COLEC11: variants seen among roughly 807,000 people sequenced by gnomAD.
COLEC11 encodes collectin-11.
Under a neutral mutation model 27.3 loss-of-function variants are expected in COLEC11, and 20 were observed. The ratio of observed to expected loss-of-function variants is 0.73; its 90% CI spans 0.51 to 1.06. The LOEUF (loss-of-function observed/expected upper bound fraction) is 1.06. Ranked by LOEUF, COLEC11 falls within the 50% of genes least tolerant of loss-of-function variation. The pLI is 0.00. For missense variants in COLEC11, 310 were observed against 383.0 expected, an observed-to-expected ratio of 0.81 and a Z score of 1.59; for synonymous variants, 163 against 154.7, an observed-to-expected ratio of 1.05 and a Z score of -0.40.
chr2:3,604,307 C>T lies in COLEC11; in HGVS notation c.-26-8C>T, dbSNP rs762918346. 3.1e-6 allele frequency: 5 copies of T among 1,614,108 alleles called. No individual in the cohort carries two copies. In the South Asian group the frequency reaches 3.3e-5, roughly 11 times the overall value. The stretch of plus-strand genomic sequence containing the variant: ...TTCCCATCACTGTTTATTCCTTCCT[C>T]TGTGTAGGAGTTGGTGTCCTGCCTG... On this transcript the variant is annotated splice_polypyrimidine_tract_variant and splice_region_variant and intron_variant, in intron 1 of 6. Transcript: ENST00000349077.
At position 3,642,765 on chromosome 2, in the gene COLEC11, C is replaced by G. The variant is rs114179156; in HGVS notation, c.329-679C>G. Among the ~76,000 whole-genome samples, 1,213 of 152,312 alleles carry G rather than the reference C, an allele frequency of 8.0e-3. 12 individuals are homozygous for G. Among genetic ancestry groups the G allele is most frequent in the African/African-American group, 0.028 (1,165 of 41,558 alleles). Reference sequence around the variant, plus strand: ...ATCCTCCCACCAGACCATGGCAGCACCTGTCCTGTGGGCGCGGCCTGCCTT... The same window carrying G: ...ATCCTCCCACCAGACCATGGCAGCAGCTGTCCTGTGGGCGCGGCCTGCCTT... On this transcript the variant is annotated intron_variant, in intron 5 of 6. Transcript: ENST00000349077.
chr2:3,629,940 A>G (rs1013038916), intron 3 of COLEC11, among the ~76,000 whole-genome samples: 8 of 152,248 alleles, frequency 5.3e-5, no homozygotes, highest in African/African-American at 1.9e-4. Flanking sequence ...ATGTACATAT[A>G]TACGATGTGC....
chr2:3,597,334 T>C (rs1267174088), intron 1 of COLEC11, among the ~76,000 whole-genome samples: 1 of 139,822 alleles, frequency 7.2e-6, no homozygotes, highest in Non-Finnish European at 1.5e-5. Flanking sequence ...CTGGTGTCAG[T>C]GAATGAATGG....
intron 3 of COLEC11, among the ~76,000 whole-genome samples, chr2:3,627,350 CATG>C (rs984462121): frequency 1.4e-4 from 15 of 110,574 alleles, no homozygotes; most frequent in South Asian, 7.7e-4. Flanking sequence ...TGGATCTGGG[CATG>C]ATGATGCTGG....
chr2:3,613,170 G>C, intron 2 of COLEC11, 141 bp from the exon 3 acceptor site: 2 of 851,952 alleles, frequency 2.3e-6, no homozygotes, highest in East Asian at 5.3e-5. Flanking sequence ...GCTGCAGGCG[G>C]GGAGGGAGGT....
In COLEC11 at chr2:3,638,332, A is replaced by C. The variant is rs540930861; in HGVS notation, c.274+728A>C. The stretch of plus-strand genomic sequence containing the variant: ...GTCTATGCTGGGCTCTGGGGGACGA[A>C]GTCGGTGGGAGGGCAAGGAGCTGGC... On this transcript the variant is annotated intron_variant, in intron 4 of 6. Coordinates refer to ENST00000349077, the MANE Select transcript of COLEC11 (RefSeq NM_024027.5). Among the ~76,000 whole-genome samples, 5 of 152,296 alleles carry C rather than the reference A, an allele frequency of 3.3e-5. No homozygotes were observed. In the South Asian group the frequency reaches 1.0e-3, roughly 32 times the overall value.
rs558269550 is a variant in COLEC11, at chr2:3,603,548, T to C, written c.-26-767T>C. 4 of 1,138,488 alleles carry C rather than the reference T, an allele frequency of 3.5e-6. No individual in the cohort carries two copies. The Admixed American group carries it at 7.9e-5, about 23-fold the overall frequency. 70.5% of individuals were successfully genotyped at this position (1,138,488 alleles called of 1,614,324 possible). The stretch of plus-strand genomic sequence containing the variant: ...TCCAGACTGGTCTCGAACTCCCGAC[T>C]TTAGGTGATCTGCCCACCTCAGCCT... On this transcript the variant is annotated intron_variant, in intron 1 of 6. Transcript: ENST00000349077.
chr2:3,618,451 C>T (rs186131432), intron 3 of COLEC11, among the ~76,000 whole-genome samples: 49 of 152,180 alleles, frequency 3.2e-4, no homozygotes, highest in Non-Finnish European at 6.5e-4. Context: ...TTCTTTGTGC[C>T]TTTGTTGAAG....
At chr2:3,641,358 G>C (rs1324054334) in intron 5 of COLEC11, 1 of 1,302,206 alleles carries the variant, frequency 7.7e-7, no homozygotes, top group Non-Finnish European at 1.0e-6. Flanking sequence ...AGCAGCATCC[G>C]CTCAGGGCAC....
chr2:3,638,533 G>A (rs964621349), intron 4 of COLEC11, among the ~76,000 whole-genome samples: 2 of 152,182 alleles, frequency 1.3e-5, no homozygotes, highest in East Asian at 3.8e-4. Context: ...GTTGGCCCAG[G>A]TACCAAGAGG....
intron 3 of COLEC11, among the ~76,000 whole-genome samples, chr2:3,613,817 A>G (rs1010861637): frequency 6.6e-6 from 1 of 152,148 alleles, no homozygotes; most frequent in Non-Finnish European, 1.5e-5. Flanking sequence ...GACTGTGCCG[A>G]GGCTCATGGG....
chr2:3,604,052 G>A (rs543590292), intron 1 of COLEC11: 15 of 580,430 alleles, frequency 2.6e-5, no homozygotes, highest in Non-Finnish European at 3.7e-5. Context: ...TGGGGTGGGC[G>A]AGCCGTAGGC....
At chr2:3,637,487 G>C (rs370494587) in intron 3 of COLEC11, 46 bp from the exon 4 acceptor site, 1 of 1,499,940 alleles carries the variant, frequency 6.7e-7, no homozygotes, top group South Asian at 1.1e-5. Context: ...GGAGGCCACG[G>C]TGTCACCTGT....
intron 5 of COLEC11, chr2:3,641,557 G>C (rs1274569644): frequency 3.5e-6 from 2 of 565,388 alleles, no homozygotes; most frequent in African/African-American, 4.0e-5. Flanking sequence ...TCCCCTGACA[G>C]GGATCTCTCC....
intron 3 of COLEC11, among the ~76,000 whole-genome samples, chr2:3,620,922 A>G (rs901061792): frequency 6.6e-6 from 1 of 152,178 alleles, no homozygotes; most frequent in Non-Finnish European, 1.5e-5. Flanking sequence ...GTCTCCTTGA[A>G]TTTGTTAAGA....
intron 3 of COLEC11, chr2:3,617,735 T>C: frequency 7.0e-7 from 1 of 1,419,582 alleles, no homozygotes; most frequent in Non-Finnish European, 9.9e-7. Flanking sequence ...AAGTCTGGTC[T>C]GCGCAGTGGC....
intron 1 of COLEC11, among the ~76,000 whole-genome samples, chr2:3,597,127 G>T (rs569259966): frequency 3.9e-5 from 6 of 151,980 alleles, no homozygotes; most frequent in Non-Finnish European, 5.9e-5. Flanking sequence ...GTGAAGTGAG[G>T]GAAGGCACAA....
chr2:3,601,065 C>T (rs1463225142), intron 1 of COLEC11, among the ~76,000 whole-genome samples: 2 of 152,152 alleles, frequency 1.3e-5, no homozygotes, highest in Admixed American at 6.5e-5. Flanking sequence ...ACTTCTGATT[C>T]CTCGTGGATT....
rs548374794 is a variant in COLEC11 at position 3,631,667 on chromosome 2, C to T, written c.203-5866C>T. Among the ~76,000 whole-genome samples, 11 of 151,624 alleles carry T rather than the reference C, an allele frequency of 7.3e-5. No homozygotes were observed. The East Asian group carries it at 9.7e-4, about 13-fold the overall frequency. Reference sequence around the variant, plus strand: ...TATGCTTGGTCACGGCTGACACAGGCGAGAGGGCTCGGAGGGGCCCCTGCT... The same window carrying T: ...TATGCTTGGTCACGGCTGACACAGGTGAGAGGGCTCGGAGGGGCCCCTGCT... On this transcript the variant is annotated intron_variant, in intron 3 of 6. Coordinates refer to ENST00000349077, the MANE Select transcript of COLEC11 (RefSeq NM_024027.5).
Sources: gnomAD v4.1 joint callset for allele counts (sites outside exome capture counted in the v4.1 genomes callset) on GRCh38, gnomAD v4.1.1 for gene constraint, MANE v1.5 for transcripts, NCBI Gene and HGNC (gene_info 2026-07-23, HGNC 2026-07-21) for gene names.